CRIP2: variants seen among roughly 807,000 people sequenced by gnomAD.
The protein encoded by CRIP2 is cysteine rich protein 2, also known as cysteine-rich protein 2.
In CRIP2, 31 loss-of-function variants were observed where a neutral mutation model predicts 31.3. The ratio of observed to expected loss-of-function variants is 0.99; its 90% CI spans 0.74 to 1.34. CRIP2 has a LOEUF of 1.34. Among genes scored for constraint, CRIP2 ranks in the 40% most tolerant of loss-of-function variants. CRIP2 has a pLI of 0.00. For missense variants in CRIP2, 389 were observed against 301.6 expected (o/e 1.29, Z -2.15); for synonymous variants, 177 against 127.2 (o/e 1.39, Z -2.63).
chr14:105,479,305 G>T, intron 6 of CRIP2, 86 bp downstream of exon 6: 3 of 1,514,976 alleles, frequency 2.0e-6, no homozygotes, highest in South Asian at 1.2e-5. Flanking sequence ...AGAGGGGATG[G>T]GGGGTGGTGC....
chr14:105,473,181 G>A, upstream of CRIP2: 1 of 1,520,358 alleles, frequency 6.6e-7, no homozygotes, highest in South Asian at 1.2e-5. Flanking sequence ...AGGCCCTGCT[G>A]TGAGGGACCC....
In CRIP2 at chr14:105,479,722, C is replaced by T; in HGVS notation, c.*69C>T. On this transcript the variant is annotated 3_prime_UTR_variant, in exon 8 of 8. Coordinates refer to ENST00000329146, the MANE Select transcript of CRIP2 (RefSeq NM_001312.4). ...CCTGCAGGGGCCCCCCTGCTTGGCT[C>T]TGCTGGGAGAGTGCTCAGCCGCCCA... 8 of 1,520,156 alleles carry T rather than the reference C, an allele frequency of 5.3e-6. No homozygotes were observed. The highest frequency in any genetic ancestry group is 7.1e-6 in the Non-Finnish European group (8 of 1,120,500). The allele number at this position is 1,520,156 out of a possible 1,614,324, so 94.2% of individuals were successfully genotyped here. A position where few individuals can be genotyped will look rare whatever the true frequency, so the allele number is the denominator to read the frequency against.
Position 105,479,980 on chromosome 14 carries a change from C to G in CRIP2, c.*327C>G, listed in dbSNP as rs1213397216. ...CTCTCCCTCTCCTGCTGCCCACCCACCTGCCAGTGTTATTTATGCTCCCTT... is the reference window on the plus strand; with the variant it reads ...CTCTCCCTCTCCTGCTGCCCACCCAGCTGCCAGTGTTATTTATGCTCCCTT... On this transcript the variant is annotated 3_prime_UTR_variant, in exon 8 of 8. Transcript: ENST00000329146. The G allele has an allele frequency of 8.1e-6, 3 of 370,498 alleles. No homozygotes were observed. Among genetic ancestry groups the G allele is most frequent in the African/African-American group, 2.1e-5 (1 of 48,246 alleles). 23.0% of individuals were successfully genotyped at this position (370,498 alleles called of 1,614,324 possible). A position where few individuals can be genotyped will look rare whatever the true frequency, so the allele number is the denominator to read the frequency against.
At position 105,478,882 on chromosome 14, in the gene CRIP2, C is replaced by T; in HGVS notation, c.337+11C>T. ...AGGGGCCCAGCAGAGGTGGGCTGGG[C>T]GCGGGCTGGGGCTGGGGGTTGTGGG... On this transcript the variant is annotated intron_variant, in intron 4 of 7. Coordinates refer to ENST00000329146, the MANE Select transcript of CRIP2 (RefSeq NM_001312.4). The surrounding 1 kb of genome is among the most constrained non-coding windows in gnomAD (Gnocchi z 4.9). 1 of 1,442,040 alleles carries T rather than the reference C, an allele frequency of 6.9e-7. No individual in the cohort carries two copies. The highest frequency in any genetic ancestry group is 9.0e-7 in the Non-Finnish European group (1 of 1,108,278). 89.3% of individuals were successfully genotyped at this position (1,442,040 alleles called of 1,614,324 possible). A position where few individuals can be genotyped will look rare whatever the true frequency, so the allele number is the denominator to read the frequency against.
chr14:105,475,754 C>G, intron 1 of CRIP2: 4 of 929,796 alleles, frequency 4.3e-6, no homozygotes, highest in Non-Finnish European at 5.1e-6. Flanking sequence ...TGGGTGCGCC[C>G]TTCCTACCCC....
intron 1 of CRIP2, chr14:105,476,883 C>A: frequency 1.8e-6 from 1 of 569,724 alleles, no homozygotes. Context: ...AGCCAGTATT[C>A]ACAGCCCTCT....
rs2084049545 is a variant in CRIP2 at position 105,479,698 on chromosome 14, CT to C, written c.*46del. 2.5e-6 allele frequency: 4 copies of C among 1,579,750 alleles called. No homozygotes were observed. The Admixed American group carries it at 7.0e-5, about 28-fold the overall frequency. On this transcript the variant is annotated 3_prime_UTR_variant, in exon 8 of 8. Transcript: ENST00000329146. ...TGTGGGCTCACCTGCGCCCCAGACC[CT>C]GCAGGGGCCCCCCTGCTTGGCTCTG... is the stretch of plus-strand genomic sequence containing the variant.
chr14:105,473,252 C>G (rs945690007), upstream of CRIP2: 14 of 1,532,790 alleles, frequency 9.1e-6, no homozygotes, highest in East Asian at 2.9e-4. Context: ...TGACTGATGC[C>G]TCCTCACCAT....
Position 105,478,943 on chromosome 14 carries a change from C to CCG in CRIP2, c.338-35_338-34dup, listed in dbSNP as rs1335738103. 17 of 1,534,968 alleles carry CCG rather than the reference C, an allele frequency of 1.1e-5. No homozygotes were observed. Among genetic ancestry groups the CCG allele is most frequent in the Middle Eastern group, 4.6e-4 (2 of 4,370 alleles). ...CTGGGGCTGGGGGTTGTGGGCACCC[C>CCG]CGGCCCCGCCCCGCCCTGACTCGTG... On this transcript the variant is annotated intron_variant, in intron 4 of 7. Transcript: ENST00000329146. This position sits in a 1 kb window ranked among gnomAD's most constrained non-coding sequence, Gnocchi z 4.9.
rs1567061869 is a variant in CRIP2, at chr14:105,477,951, C to CGCGGGCAGGTGTTGGAGCGCGGGCAGGT, written c.44-315_44-314insGCGGGCAGGTGTTGGAGCGCGGGCAGGT. Among the ~76,000 whole-genome samples the CGCGGGCAGGTGTTGGAGCGCGGGCAGGT allele has an allele frequency of 6.1e-5, 7 of 115,652 alleles. 2 individuals carry two copies. Among genetic ancestry groups the CGCGGGCAGGTGTTGGAGCGCGGGCAGGT allele is most frequent in the African/African-American group, 4.7e-4 (7 of 14,954 alleles). 75.9% of individuals were successfully genotyped at this position (115,652 alleles called of 152,430 possible). ...GGGCAGGTGTTGGAGCGCGGGCAGGCTCGAGCACAGGCCCCTTCACCGCAG... is the reference window on the plus strand; with the variant it reads ...GGGCAGGTGTTGGAGCGCGGGCAGGCGCGGGCAGGTGTTGGAGCGCGGGCAGGTTCGAGCACAGGCCCCTTCACCGCAG... On this transcript the variant is annotated intron_variant, in intron 1 of 7. Coordinates refer to ENST00000329146, the MANE Select transcript of CRIP2 (RefSeq NM_001312.4).
In CRIP2 at chr14:105,478,477, C is replaced by T. The variant is rs369329737; in HGVS notation, c.166C>T (p.Pro56Ser). The change falls in exon 3 of 8, where the codon CCG becomes TCG. Residue 56 changes from proline (P) to serine (S), a missense_variant. Coordinates refer to ENST00000329146, the MANE Select transcript of CRIP2 (RefSeq NM_001312.4). The surrounding 1 kb of genome is among the most constrained non-coding windows in gnomAD (Gnocchi z 4.9). ...EHDGKPFCHK[P>S]CYATLFGPKG... is the part of the protein sequence containing the mutation. ...TGACGGGAAGCCGTTCTGCCACAAG[C>T]CGTGCTACGCCACCCTGTTCGGACC... The T allele has an allele frequency of 3.1e-6, 5 of 1,608,302 alleles. No individual in the cohort carries two copies. The highest frequency in any genetic ancestry group is 4.2e-6 in the Non-Finnish European group (5 of 1,179,088).
chr14:105,478,908 C>T lies in CRIP2; in HGVS notation c.337+37C>T, dbSNP rs2084018181. 2 of 1,483,196 alleles carry T rather than the reference C, an allele frequency of 1.3e-6. No individual in the cohort carries two copies. Among genetic ancestry groups the T allele is most frequent in the African/African-American group, 1.4e-5 (1 of 69,576 alleles). 91.9% of individuals were successfully genotyped at this position (1,483,196 alleles called of 1,614,324 possible). On this transcript the variant is annotated intron_variant, in intron 4 of 7. Transcript: ENST00000329146. The surrounding 1 kb of genome is among the most constrained non-coding windows in gnomAD (Gnocchi z 4.9). The stretch of plus-strand genomic sequence containing the variant: ...GCGGGCTGGGGCTGGGGGTTGTGGG[C>T]ACGCGCGGGCTGGGGCTGGGGGTTG...
chr14:105,478,792 G>A lies in CRIP2; in HGVS notation c.258G>A (p.Gln86=), dbSNP rs782271622. 1.4e-6 allele frequency: 2 copies of A among 1,434,282 alleles called. No homozygotes were observed. The highest frequency in any genetic ancestry group is 1.8e-6 in the Non-Finnish European group (2 of 1,101,540). The allele number at this position is 1,434,282 out of a possible 1,614,324, so 88.8% of individuals were successfully genotyped here. ...IYEKPLAEGP[Q]VTGPIEVPAA... The stretch of plus-strand genomic sequence containing the variant: ...AGAAGCCCCTGGCGGAGGGGCCGCA[G>A]GTCACCGGCCCCATCGAGGTCCCCG... Residue 86 remains glutamine (Q), a synonymous_variant, in exon 4 of 8, where the codon CAG becomes CAA. Coordinates refer to ENST00000329146, the MANE Select transcript of CRIP2 (RefSeq NM_001312.4). The surrounding 1 kb of genome is among the most constrained non-coding windows in gnomAD (Gnocchi z 4.9).
At chr14:105,475,717 C>T (rs1032377019) in intron 1 of CRIP2, 5 of 658,544 alleles carry the variant, frequency 7.6e-6, no homozygotes, top group East Asian at 2.7e-4. Context: ...GCGCTCCCCC[C>T]GTCTGGGCTT....
chr14:105,476,048 G>C, intron 1 of CRIP2: 2 of 985,598 alleles, frequency 2.0e-6, no homozygotes, highest in Non-Finnish European at 2.4e-6. Context: ...AGTGCTTCTG[G>C]CGTGGCTGGG....
intron 1 of CRIP2, chr14:105,476,799 C>T (rs1456052154): frequency 2.8e-5 from 27 of 980,978 alleles, no homozygotes; most frequent in Non-Finnish European, 8.5e-6. Context: ...TAAGCTGGTG[C>T]AGCCTTGTGG....
intron 1 of CRIP2, chr14:105,477,531 G>C: frequency 1.0e-6 from 1 of 984,746 alleles, no homozygotes; most frequent in Non-Finnish European, 1.2e-6. Flanking sequence ...TGGGGATCAG[G>C]GGCGTGTCAG....
At chr14:105,474,811 G>A (rs1395531633), upstream of CRIP2, 7 of 1,309,936 alleles carry the variant, frequency 5.3e-6, no homozygotes, top group African/African-American at 3.1e-5. This position sits in a 1 kb window ranked among gnomAD's most constrained non-coding sequence, Gnocchi z 5.1. Context: ...GCGGGCGGCG[G>A]CGGCCCGGAG....
Position 105,478,509 on chromosome 14 carries a change from T to G in CRIP2, c.196+2T>G. 2 of 1,608,118 alleles carry G rather than the reference T, an allele frequency of 1.2e-6. No homozygotes were observed. Among genetic ancestry groups the G allele is most frequent in the Non-Finnish European group, 1.7e-6 (2 of 1,178,636 alleles). ...ACGCCACCCTGTTCGGACCCAAAGG[T>G]GAGCTCCGGCTGCCCTCGGCCTGCC... is the stretch of plus-strand genomic sequence containing the variant. On this transcript the variant is annotated splice_donor_variant, in intron 3 of 7. Transcript: ENST00000329146. LOFTEE classifies it high-confidence loss of function. The surrounding 1 kb of genome is among the most constrained non-coding windows in gnomAD (Gnocchi z 4.9).
Sources: gnomAD v4.1 joint callset for allele counts (sites outside exome capture counted in the v4.1 genomes callset) on GRCh38, gnomAD v4.1.1 for gene constraint, Gnocchi (gnomAD v3.1) non-coding constraint, MANE v1.5 for transcripts, NCBI Gene and HGNC (gene_info 2026-07-23, HGNC 2026-07-21) for gene names.